Variants in KCTD6 observed in about 807,000 individuals in gnomAD.
KCTD6 encodes potassium channel tetramerization domain containing 6, also known as BTB/POZ domain-containing protein KCTD6.
Under a neutral mutation model 18.7 loss-of-function variants are expected in KCTD6, and 6 were observed. The ratio of observed to expected loss-of-function variants is 0.32; its 90% confidence interval spans 0.18 to 0.63. KCTD6 has a LOEUF of 0.63. Ranked by LOEUF, KCTD6 falls within the 30% of genes least tolerant of loss-of-function variation. The pLI, the probability that KCTD6 is intolerant of heterozygous loss-of-function variation, is 0.79. For missense variants in KCTD6, 165 were observed against 300.2 expected (o/e 0.55, Z 3.33); for synonymous variants, 86 against 108.5 (o/e 0.79, Z 1.29).
chr3:58,498,852 A>T lies in KCTD6; in HGVS notation c.27+70A>T. 2 of 1,240,546 alleles carry T rather than the reference A, an allele frequency of 1.6e-6. No homozygotes were observed. The allele number at this position is 1,240,546 out of a possible 1,614,324, so 76.8% of individuals were successfully genotyped here. A position where few individuals can be genotyped will look rare whatever the true frequency, so the allele number is the denominator to read the frequency against. ...TTTGTGTGTCTTTTTATCCTTATGTATTTTTAGGTATATCTTATAAGAAAA... is the reference window on the plus strand; with the variant it reads ...TTTGTGTGTCTTTTTATCCTTATGTTTTTTTAGGTATATCTTATAAGAAAA... On this transcript the variant is annotated intron_variant, in intron 2 of 2. Coordinates refer to ENST00000404589, the MANE Select transcript of KCTD6 (RefSeq NM_001128214.2). This position sits in a 1 kb window ranked among gnomAD's most constrained non-coding sequence, Gnocchi z 4.6.
chr3:58,493,462 A>G lies in KCTD6; in HGVS notation c.-44+1293A>G, dbSNP rs2063163539. On this transcript the variant is annotated intron_variant, in intron 1 of 2. Coordinates refer to ENST00000404589, the MANE Select transcript of KCTD6 (RefSeq NM_001128214.2). This position sits in a 1 kb window ranked among gnomAD's most constrained non-coding sequence, Gnocchi z 4.5. The stretch of plus-strand genomic sequence containing the variant: ...ATTTGGGGTCCATTTAAAATGGAGT[A>G]CCTGTATGTATTTGGATTCAGCTTT... Among the ~76,000 whole-genome samples, 8 of 152,258 alleles carry G rather than the reference A, an allele frequency of 5.3e-5. No individual in the cohort carries two copies. Among genetic ancestry groups the G allele is most frequent in the Admixed American group, 5.2e-4 (8 of 15,292 alleles).
chr3:58,495,870 T>C (rs1386324875), intron 1 of KCTD6, among the ~76,000 whole-genome samples: 3 of 150,826 alleles, frequency 2.0e-5, no homozygotes, highest in Non-Finnish European at 3.0e-5. Context: ...GGACATCGTC[T>C]AATTTTTTTT....
chr3:58,499,992 G>A (rs1349015360), intron 2 of KCTD6, among the ~76,000 whole-genome samples: 1 of 152,144 alleles, frequency 6.6e-6, no homozygotes, highest in African/African-American at 2.4e-5. Context: ...AAGCTTTTGG[G>A]TATGTGATGC....
rs972247480 is a variant in KCTD6, at chr3:58,496,800, C to T, written c.-43-1913C>T. Among the ~76,000 whole-genome samples the T allele has an allele frequency of 6.6e-6, 1 of 152,186 alleles. No individual in the cohort carries two copies. The highest frequency in any genetic ancestry group is 1.5e-5 in the Non-Finnish European group (1 of 68,032). ...TGTGTGTCCGCATTGCACATAGGCA[C>T]CCCCTCCACTCCATAGGTGACCCAC... On this transcript the variant is annotated intron_variant, in intron 1 of 2. Transcript: ENST00000404589. The surrounding 1 kb of genome is among the most constrained non-coding windows in gnomAD (Gnocchi z 5.1).
Position 58,501,654 on chromosome 3 carries a change from C to T in KCTD6, c.*22C>T, listed in dbSNP as rs767681195. 4 of 1,299,980 alleles carry T rather than the reference C, an allele frequency of 3.1e-6. No individual in the cohort carries two copies. The highest frequency in any genetic ancestry group is 5.6e-5 in the East Asian group (2 of 35,554). 80.5% of individuals were successfully genotyped at this position (1,299,980 alleles called of 1,614,324 possible). ...CTGATCTCCGACCCTGCCACAGGTTCCTGGAAAGACTCTCCAGGAAATGGA... is the reference window on the plus strand; with the variant it reads ...CTGATCTCCGACCCTGCCACAGGTTTCTGGAAAGACTCTCCAGGAAATGGA... On this transcript the variant is annotated 3_prime_UTR_variant, in exon 3 of 3. Transcript: ENST00000404589. This position sits in a 1 kb window ranked among gnomAD's most constrained non-coding sequence, Gnocchi z 9.7.
rs944753903 is a variant in KCTD6 at position 58,493,422 on chromosome 3, C to A, written c.-44+1253C>A. Among the ~76,000 whole-genome samples, 2 of 152,172 alleles carry A rather than the reference C, an allele frequency of 1.3e-5. No homozygotes were observed. The highest frequency in any genetic ancestry group is 1.9e-4 in the East Asian group (1 of 5,202). ...GGTGAACCCTATGAATCCTTCAGTGCGCTTGGATTTTGATATTTGGGGTCC... is the reference window on the plus strand; with the variant it reads ...GGTGAACCCTATGAATCCTTCAGTGAGCTTGGATTTTGATATTTGGGGTCC... On this transcript the variant is annotated intron_variant, in intron 1 of 2. Coordinates refer to ENST00000404589, the MANE Select transcript of KCTD6 (RefSeq NM_001128214.2). The surrounding 1 kb of genome is among the most constrained non-coding windows in gnomAD (Gnocchi z 4.5).
rs906916146 is a variant in KCTD6 at position 58,497,430 on chromosome 3, G to C, written c.-43-1283G>C. Among the ~76,000 whole-genome samples, 9 of 152,200 alleles carry C rather than the reference G, an allele frequency of 5.9e-5. No individual in the cohort carries two copies. The highest frequency in any genetic ancestry group is 1.3e-4 in the Non-Finnish European group (9 of 68,040). On this transcript the variant is annotated intron_variant, in intron 1 of 2. Coordinates refer to ENST00000404589, the MANE Select transcript of KCTD6 (RefSeq NM_001128214.2). The surrounding 1 kb of genome is among the most constrained non-coding windows in gnomAD (Gnocchi z 4.2). ...ACGTAAAAAAGCCAGTGCTTTTCCT[G>C]GATGAATACCAATAAGTCCATGTTT...
At position 58,497,917 on chromosome 3, in the gene KCTD6, AT is replaced by A. The variant is rs1341179194; in HGVS notation, c.-43-794del. ...GATTTTTGATGTTTTTACTCAGGTG[AT>A]TGGCTTGTATAGCTGAAATGCTGAT... On this transcript the variant is annotated intron_variant, in intron 1 of 2. Transcript: ENST00000404589. The surrounding 1 kb of genome is among the most constrained non-coding windows in gnomAD (Gnocchi z 4.2). The A allele has an allele frequency of 1.3e-5, 2 of 149,468 alleles. No homozygotes were observed. Among genetic ancestry groups the A allele is most frequent in the Non-Finnish European group, 3.0e-5 (2 of 67,626 alleles). 9.3% of individuals were successfully genotyped at this position (149,468 alleles called of 1,614,324 possible). A position where few individuals can be genotyped will look rare whatever the true frequency, so the allele number is the denominator to read the frequency against.
At chr3:58,499,184 G>T (rs1363357497) in intron 2 of KCTD6, among the ~76,000 whole-genome samples, 1 of 152,166 alleles carries the variant, frequency 6.6e-6, no homozygotes, top group African/African-American at 2.4e-5. Context: ...TGGCCAGGCT[G>T]ATCTCGAACT....
intron 1 of KCTD6, among the ~76,000 whole-genome samples, chr3:58,495,120 T>A (rs1470513683): frequency 6.6e-6 from 1 of 152,230 alleles, no homozygotes; most frequent in Non-Finnish European, 1.5e-5. Flanking sequence ...AAAGTCACTA[T>A]AAAGGAAAAA....
chr3:58,498,504 A>C lies in KCTD6; in HGVS notation c.-43-209A>C, dbSNP rs2107975755. On this transcript the variant is annotated intron_variant, in intron 1 of 2. Coordinates refer to ENST00000404589, the MANE Select transcript of KCTD6 (RefSeq NM_001128214.2). The surrounding 1 kb of genome is among the most constrained non-coding windows in gnomAD (Gnocchi z 4.6). ...AAAATCTTCAGTCTCTTAGTTCCAG[A>C]TGGGTTCTCTATGGTAAGAATACAG... The C allele has an allele frequency of 1.0e-5, 5 of 479,982 alleles. No individual in the cohort carries two copies. The East Asian group carries it at 1.9e-4, about 18-fold the overall frequency. 29.7% of individuals were successfully genotyped at this position (479,982 alleles called of 1,614,324 possible). A position where few individuals can be genotyped will look rare whatever the true frequency, so the allele number is the denominator to read the frequency against.
chr3:58,497,193 A>T lies in KCTD6; in HGVS notation c.-43-1520A>T, dbSNP rs545224223. ...CTGACTGCCCCATAGTCTGGTCCAC[A>T]TTTTAGTTGTGTGCTTTGAAGGATT... On this transcript the variant is annotated intron_variant, in intron 1 of 2. Coordinates refer to ENST00000404589, the MANE Select transcript of KCTD6 (RefSeq NM_001128214.2). This position sits in a 1 kb window ranked among gnomAD's most constrained non-coding sequence, Gnocchi z 4.2. Among the ~76,000 whole-genome samples, 2 of 152,328 alleles carry T rather than the reference A, an allele frequency of 1.3e-5. No homozygotes were observed. Among genetic ancestry groups the T allele is most frequent in the East Asian group, 3.9e-4 (2 of 5,192 alleles).
Position 58,498,618 on chromosome 3 carries a change from T to C in KCTD6, c.-43-95T>C. 2.7e-6 allele frequency: 2 copies of C among 729,812 alleles called. No individual in the cohort carries two copies. Among genetic ancestry groups the C allele is most frequent in the Non-Finnish European group, 4.8e-6 (2 of 412,636 alleles). The allele number at this position is 729,812 out of a possible 1,614,324, so 45.2% of individuals were successfully genotyped here. On this transcript the variant is annotated intron_variant, in intron 1 of 2. Coordinates refer to ENST00000404589, the MANE Select transcript of KCTD6 (RefSeq NM_001128214.2). The surrounding 1 kb of genome is among the most constrained non-coding windows in gnomAD (Gnocchi z 4.6). ...GCTGAGCAAGGACGAGTAGTTTTTC[T>C]GGTGTTTGGCCTCCTCTGTTGGGTG...
chr3:58,501,684 A>T lies in KCTD6; in HGVS notation c.*52A>T. ...AAAGACTCTCCAGGAAATGGAAGATACTGATTTTTTTTTTTAAATCACAGT... is the reference window on the plus strand; with the variant it reads ...AAAGACTCTCCAGGAAATGGAAGATTCTGATTTTTTTTTTTAAATCACAGT... On this transcript the variant is annotated 3_prime_UTR_variant, in exon 3 of 3. Coordinates refer to ENST00000404589, the MANE Select transcript of KCTD6 (RefSeq NM_001128214.2). This position sits in a 1 kb window ranked among gnomAD's most constrained non-coding sequence, Gnocchi z 9.7. 1 of 1,193,848 alleles carries T rather than the reference A, an allele frequency of 8.4e-7. No homozygotes were observed. The highest frequency in any genetic ancestry group is 1.1e-6 in the Non-Finnish European group (1 of 926,512). 74.0% of individuals were successfully genotyped at this position (1,193,848 alleles called of 1,614,324 possible).
rs4368517 is a variant in KCTD6 at position 58,498,261 on chromosome 3, A to G, written c.-43-452A>G. 0.91 allele frequency: 138,906 copies of G among 153,398 alleles called. 63,029 individuals carry two copies. Among genetic ancestry groups the G allele is most frequent in the East Asian group, 1 (5,214 of 5,216 alleles). 9.5% of individuals were successfully genotyped at this position (153,398 alleles called of 1,614,324 possible). On this transcript the variant is annotated intron_variant, in intron 1 of 2. Coordinates refer to ENST00000404589, the MANE Select transcript of KCTD6 (RefSeq NM_001128214.2). The surrounding 1 kb of genome is among the most constrained non-coding windows in gnomAD (Gnocchi z 4.6). Reference sequence around the variant, plus strand: ...CTCCCAAAGTGCTGGGATTATAGGCATGAGCCACTGCGCCCAGCCTGTCCC... The same window carrying G: ...CTCCCAAAGTGCTGGGATTATAGGCGTGAGCCACTGCGCCCAGCCTGTCCC...
In KCTD6 at chr3:58,497,263, T is replaced by C. The variant is rs966190598; in HGVS notation, c.-43-1450T>C. On this transcript the variant is annotated intron_variant, in intron 1 of 2. Transcript: ENST00000404589. The surrounding 1 kb of genome is among the most constrained non-coding windows in gnomAD (Gnocchi z 4.2). ...TGCTTCAGGCTCTGATTTCAGCCCA[T>C]GCTGTGCTATGCAAATGTTCTCTAC... 6.6e-6 allele frequency among the ~76,000 whole-genome samples: 1 copy of C among 152,228 alleles called. No homozygotes were observed. The highest frequency in any genetic ancestry group is 2.4e-5 in the African/African-American group (1 of 41,456).
In KCTD6 at chr3:58,498,594, C is replaced by T. The variant is rs536731991; in HGVS notation, c.-43-119C>T. 328 of 668,588 alleles carry T rather than the reference C, an allele frequency of 4.9e-4. 3 individuals carry two copies. The South Asian group carries it at 5.7e-3, about 12-fold the overall frequency. The allele number at this position is 668,588 out of a possible 1,614,324, so 41.4% of individuals were successfully genotyped here. On this transcript the variant is annotated intron_variant, in intron 1 of 2. Transcript: ENST00000404589. This position sits in a 1 kb window ranked among gnomAD's most constrained non-coding sequence, Gnocchi z 4.6. The stretch of plus-strand genomic sequence containing the variant: ...ATCTTTGCCCTGTAGTAGGTTTCAG[C>T]TGAGCAAGGACGAGTAGTTTTTCTG...
rs777697493 is a variant in KCTD6 at position 58,501,164 on chromosome 3, T to G, written c.246T>G (p.Asp82Glu). 4 of 1,614,112 alleles carry G rather than the reference T, an allele frequency of 2.5e-6. No individual in the cohort carries two copies. The highest frequency in any genetic ancestry group is 3.4e-6 in the Non-Finnish European group (4 of 1,180,012). ...LRTSELTLPL[D>E]FKEFDLLRKE... ...CTTCAGAATTGACCTTACCGTTGGA[T>G]TTTAAGGAATTTGATCTGCTTCGGA... The change falls in exon 3 of 3, where the codon GAT (aspartate) becomes GAG (glutamate). Residue 82 changes from aspartate (D) to glutamate (E), a missense_variant. Physicochemically the swap from Asp to Glu is conservative, Grantham distance 45 (BLOSUM62 2). Transcript: ENST00000404589. The surrounding 1 kb of genome is among the most constrained non-coding windows in gnomAD (Gnocchi z 9.7).
chr3:58,495,850 A>G (rs1576978370), intron 1 of KCTD6, among the ~76,000 whole-genome samples: 1 of 151,736 alleles, frequency 6.6e-6, no homozygotes, highest in East Asian at 1.9e-4. Context: ...TTGCTGTGGA[A>G]CAGATTCAGG....
Sources: allele counts gnomAD v4.1 joint callset (sites outside exome capture counted in the v4.1 genomes callset), GRCh38; gene constraint gnomAD v4.1.1; non-coding constraint Gnocchi (gnomAD v3.1); transcripts MANE v1.5; gene names NCBI Gene and HGNC (gene_info 2026-07-23, HGNC 2026-07-21).